CCDC32: variants seen among roughly 807,000 people sequenced by gnomAD.
CCDC32 encodes coiled-coil domain containing 32.
A neutral mutation model predicts 20.1 loss-of-function variants in CCDC32; 9 were observed. The ratio of observed to expected loss-of-function variants is 0.45; its 90% CI spans 0.27 to 0.78. The LOEUF is 0.78. Among genes scored for constraint, CCDC32 ranks in the 30% least tolerant of loss-of-function variants. CCDC32 has a pLI of 0.16. For missense variants in CCDC32, 204 were observed against 215.5 expected (o/e 0.95, Z 0.33); for synonymous variants, 63 against 79.0 (o/e 0.80, Z 1.07).
At chr15:40,539,428 T>C in intron 3 of CCDC32, 1 of 1,300,122 alleles carries the variant, frequency 7.7e-7, no homozygotes, top group East Asian at 2.5e-5. Context: ...ACTAACAGAG[T>C]CAAAGAGAGA....
chr15:40,528,892 G>A (rs1894933823), intron 3 of CCDC32: 2 of 642,980 alleles, frequency 3.1e-6, no homozygotes, highest in East Asian at 2.7e-5. Flanking sequence ...GGACAGACTC[G>A]TGTCTAACCA....
intron 2 of CCDC32, among the ~76,000 whole-genome samples, chr15:40,561,478 A>G (rs1405790262): frequency 6.6e-6 from 1 of 151,418 alleles, no homozygotes; most frequent in Non-Finnish European, 1.5e-5. Context: ...GTCTCAAAAA[A>G]AAAAAACAAA....
chr15:40,537,221 A>T (rs1270999129), downstream of CCDC32: 2 of 152,316 alleles, frequency 1.3e-5, no homozygotes, highest in Non-Finnish European at 2.9e-5. Flanking sequence ...CTGTGACTTT[A>T]TCAGTATCCC....
At chr15:40,525,416 G>A (rs1371362781), downstream of CCDC32, among the ~76,000 whole-genome samples, 1 of 152,044 alleles carries the variant, frequency 6.6e-6, no homozygotes, top group African/African-American at 2.4e-5. Flanking sequence ...GCCCGCCTCA[G>A]CCTCCCAAAG....
At chr15:40,535,471 T>A, downstream of CCDC32, 3 of 988,628 alleles carry the variant, frequency 3.0e-6, no homozygotes, top group Non-Finnish European at 2.4e-6. Flanking sequence ...AAATTTATAT[T>A]TTGAAGGAGT....
chr15:40,553,059 T>C, downstream of CCDC32: 1 of 951,416 alleles, frequency 1.1e-6, no homozygotes, highest in South Asian at 4.9e-5. Flanking sequence ...GGAACATCCT[T>C]CCAGGAGCAA....
chr15:40,537,875 G>C (rs2141605841), downstream of CCDC32: 1 of 152,456 alleles, frequency 6.6e-6, no homozygotes, highest in East Asian at 1.9e-4. Flanking sequence ...GCTTGAACCT[G>C]GGAGGTGGAG....
chr15:40,558,907 G>A (rs148756091), intron 2 of CCDC32, among the ~76,000 whole-genome samples: 157 of 150,140 alleles, frequency 1.0e-3, no homozygotes, highest in African/African-American at 3.3e-3. Context: ...GGGTTCAAGC[G>A]ATTCTCCTGC....
At chr15:40,528,800 A>C (rs1312084876) in intron 3 of CCDC32, 2 of 698,520 alleles carry the variant, frequency 2.9e-6, no homozygotes, top group Admixed American at 4.1e-5. Flanking sequence ...ACTATTAAAA[A>C]AAAGAGAAGA....
intron 1 of CCDC32, among the ~76,000 whole-genome samples, chr15:40,563,913 C>A (rs1566987211): frequency 6.6e-6 from 1 of 152,040 alleles, no homozygotes; most frequent in Admixed American, 6.5e-5. Context: ...CTCCGCCTCC[C>A]GGGTTCACGC....
chr15:40,532,718 T>C (rs61239886), downstream of CCDC32, among the ~76,000 whole-genome samples: 3,232 of 65,836 alleles, frequency 0.049, 38 homozygotes, highest in African/African-American at 0.13. Context: ...TTCTTTCTTT[T>C]TTTTTTTTTT....
chr15:40,534,760 G>A (rs1434391856), downstream of CCDC32: 2 of 637,922 alleles, frequency 3.1e-6, no homozygotes, highest in Admixed American at 2.3e-5. Context: ...TTGATAAAGG[G>A]TCCACTCTCA....
chr15:40,534,732 G>A (rs1268896114), downstream of CCDC32: 3 of 597,332 alleles, frequency 5.0e-6, no homozygotes, highest in Non-Finnish European at 9.0e-6. Flanking sequence ...GCCCCTTTTT[G>A]TAAGGGCACT....
downstream of CCDC32, chr15:40,539,023 G>T: frequency 1.8e-6 from 1 of 565,154 alleles, no homozygotes; most frequent in Non-Finnish European, 3.2e-6. Context: ...AGCTGGCTCT[G>T]ACTAAAGCCC....
In CCDC32 at chr15:40,553,657, C is replaced by G; in HGVS notation, c.*314G>C. 9 of 1,130,024 alleles carry G rather than the reference C, an allele frequency of 8.0e-6. No individual in the cohort carries two copies. Among genetic ancestry groups the G allele is most frequent in the Non-Finnish European group, 9.7e-6 (9 of 924,806 alleles). 70.0% of individuals were successfully genotyped at this position (1,130,024 alleles called of 1,614,324 possible). A position where few individuals can be genotyped will look rare whatever the true frequency, so the allele number is the denominator to read the frequency against. On this transcript the variant is annotated 3_prime_UTR_variant, in exon 4 of 4. Transcript: ENST00000416810. ...TTCACATTTGATCTTTAGCAGACTTCTAACCTGCAGAGACAGAGCTCAGCC... is the reference window on the plus strand; with the variant it reads ...TTCACATTTGATCTTTAGCAGACTTGTAACCTGCAGAGACAGAGCTCAGCC...
downstream of CCDC32, chr15:40,534,976 T>C: frequency 1.4e-6 from 1 of 702,642 alleles, no homozygotes; most frequent in Non-Finnish European, 2.6e-6. Flanking sequence ...CTGTGTGGTC[T>C]TGGGTTTAGT....
At chr15:40,525,285 C>G (rs1233367374), downstream of CCDC32, among the ~76,000 whole-genome samples, 1 of 152,132 alleles carries the variant, frequency 6.6e-6, no homozygotes, top group Non-Finnish European at 1.5e-5. Flanking sequence ...ACCTTCGACT[C>G]CCAAATTGGT....
At chr15:40,545,540 C>A (rs1252981816) in intron 3 of CCDC32, among the ~76,000 whole-genome samples, 2 of 152,200 alleles carry the variant, frequency 1.3e-5, no homozygotes, top group East Asian at 3.9e-4. Flanking sequence ...AGATGAACAT[C>A]TCTCTGCCAC....
chr15:40,544,300 A>G (rs1889523426), intron 3 of CCDC32, among the ~76,000 whole-genome samples: 1 of 152,004 alleles, frequency 6.6e-6, no homozygotes, highest in African/African-American at 2.4e-5. Context: ...TGCAGCCTCA[A>G]CCTCCTGGGC....
Sources: gnomAD v4.1 joint callset for allele counts (sites outside exome capture counted in the v4.1 genomes callset) on GRCh38, gnomAD v4.1.1 for gene constraint, MANE v1.5 for transcripts, NCBI Gene and HGNC (gene_info 2026-07-23, HGNC 2026-07-21) for gene names.